The following AHCYL2 variants were observed in gnomAD, a reference collection of about 807,000 sequenced individuals.
AHCYL2 encodes adenosylhomocysteinase like 2, also known as S-adenosylhomocysteine hydrolase-like protein 2.
A neutral mutation model predicts 81.4 loss-of-function variants in AHCYL2; 28 were observed. That is an observed-to-expected ratio of 0.34 (90% confidence interval 0.25 to 0.47). The LOEUF (loss-of-function observed/expected upper bound fraction) is 0.47. Ranked by LOEUF, AHCYL2 falls within the 20% of genes least tolerant of loss-of-function variation. AHCYL2 has a pLI of 1.00. For missense variants in AHCYL2, 551 were observed against 785.1 expected, an observed-to-expected ratio of 0.70 and a Z score of 3.56; for synonymous variants, 272 against 290.2, an observed-to-expected ratio of 0.94 and a Z score of 0.64.
At chr7:129,357,803 G>A (rs954393266) in intron 1 of AHCYL2, among the ~76,000 whole-genome samples, 20 of 151,632 alleles carry the variant, frequency 1.3e-4, no homozygotes, top group Non-Finnish European at 4.4e-5. Flanking sequence ...GCGTGGTGGC[G>A]GGCGCCTGTA....
At chr7:129,229,121 G>A (rs1416508232) in intron 1 of AHCYL2, among the ~76,000 whole-genome samples, 1 of 150,206 alleles carries the variant, frequency 6.7e-6, no homozygotes, top group Non-Finnish European at 1.5e-5. Flanking sequence ...AGGCTGGAGT[G>A]CAATGGTGCA....
At position 129,342,179 on chromosome 7, in the gene AHCYL2, T is replaced by C. The variant is rs369004511; in HGVS notation, c.364-37459T>C. Among the ~76,000 whole-genome samples, 11 of 152,272 alleles carry C rather than the reference T, an allele frequency of 7.2e-5. No individual in the cohort carries two copies. The South Asian group carries it at 2.3e-3, about 32-fold the overall frequency. Reference sequence around the variant, plus strand: ...TGGAGTTGGGAAGGGACACCAGTGTTGAAGTATTCCTGTTACTTGTTGGTA... The same window carrying C: ...TGGAGTTGGGAAGGGACACCAGTGTCGAAGTATTCCTGTTACTTGTTGGTA... On this transcript the variant is annotated intron_variant, in intron 1 of 16. Coordinates refer to ENST00000325006, the MANE Select transcript of AHCYL2 (RefSeq NM_015328.4).
At position 129,350,714 on chromosome 7, in the gene AHCYL2, C is replaced by CT. The variant is rs56115169; in HGVS notation, c.364-28907dup. 6.3e-3 allele frequency among the ~76,000 whole-genome samples: 764 copies of CT among 122,126 alleles called. 6 individuals carry two copies. The highest frequency in any genetic ancestry group is 0.013 in the African/African-American group (433 of 32,904). The allele number at this position is 122,126 out of a possible 152,430, so 80.1% of individuals were successfully genotyped here. On this transcript the variant is annotated intron_variant, in intron 1 of 16. Coordinates refer to ENST00000325006, the MANE Select transcript of AHCYL2 (RefSeq NM_015328.4). The stretch of plus-strand genomic sequence containing the variant: ...TCATTTTCTTTTTCTTTCTTTCTTT[C>CT]TTTTTTTTTTTTTTTTTATCTTTTA...
chr7:129,381,116 A>G (rs1476948754), intron 2 of AHCYL2, among the ~76,000 whole-genome samples: 1 of 152,180 alleles, frequency 6.6e-6, no homozygotes, highest in Non-Finnish European at 1.5e-5. Flanking sequence ...AAACCACAAT[A>G]ATTGTGAAAA....
chr7:129,280,769 A>G (rs1796410604), intron 1 of AHCYL2, among the ~76,000 whole-genome samples: 1 of 151,734 alleles, frequency 6.6e-6, no homozygotes, highest in African/African-American at 2.4e-5. Context: ...AGTTTTCATC[A>G]GGAATTTCTG....
intron 1 of AHCYL2, among the ~76,000 whole-genome samples, chr7:129,268,049 A>G (rs1330451067): frequency 1.3e-5 from 2 of 152,116 alleles, no homozygotes; most frequent in South Asian, 2.1e-4. Flanking sequence ...CAAACTTGCT[A>G]TTTTAGTTCA....
chr7:129,252,627 G>T (rs572956186), intron 1 of AHCYL2, among the ~76,000 whole-genome samples: 1 of 152,110 alleles, frequency 6.6e-6, no homozygotes, highest in African/African-American at 2.4e-5. Context: ...ATTGTCTGGG[G>T]GTGGTGGCAC....
At chr7:129,263,944 A>G (rs1795727951) in intron 1 of AHCYL2, among the ~76,000 whole-genome samples, 1 of 152,226 alleles carries the variant, frequency 6.6e-6, no homozygotes, top group African/African-American at 2.4e-5. Context: ...TGTCCAGGTA[A>G]GGCATTTGAG....
intron 1 of AHCYL2, among the ~76,000 whole-genome samples, chr7:129,257,898 G>A (rs902374224): frequency 1.3e-5 from 2 of 152,164 alleles, no homozygotes; most frequent in African/African-American, 4.8e-5. Flanking sequence ...ATTTTAAAAT[G>A]TATGTAAGTA....
chr7:129,405,630 A>G, intron 8 of AHCYL2: 2 of 478,594 alleles, frequency 4.2e-6, no homozygotes, highest in Non-Finnish European at 7.3e-6. Flanking sequence ...TAGAAACCAG[A>G]CTTTCAGTGT....
At chr7:129,409,365 G>T in intron 10 of AHCYL2, 111 bp from the exon 11 acceptor site, 1 of 753,976 alleles carries the variant, frequency 1.3e-6, no homozygotes. Context: ...TCTAAGAATA[G>T]TTCAGCTATC....
chr7:129,428,997 G>C lies in AHCYL2; in HGVS notation c.*1952G>C, dbSNP rs943092782. 5.9e-5 allele frequency: 9 copies of C among 152,172 alleles called. No individual in the cohort carries two copies. The highest frequency in any genetic ancestry group is 2.2e-4 in the African/African-American group (9 of 41,444). 9.4% of individuals were successfully genotyped at this position (152,172 alleles called of 1,614,324 possible). ...CTTTGTACCTTATCTTATATCCAGA[G>C]CAGATTCCATTTGGCAGATAGATGG... On this transcript the variant is annotated 3_prime_UTR_variant, in exon 17 of 17. Transcript: ENST00000325006.
At chr7:129,294,934 T>C (rs1274997632) in intron 1 of AHCYL2, among the ~76,000 whole-genome samples, 1 of 152,218 alleles carries the variant, frequency 6.6e-6, no homozygotes, top group African/African-American at 2.4e-5. Flanking sequence ...GTGTGTTTGC[T>C]GGCTTTGAAA....
chr7:129,227,259 C>T (rs893462074), intron 1 of AHCYL2, among the ~76,000 whole-genome samples: 1 of 151,742 alleles, frequency 6.6e-6, no homozygotes, highest in African/African-American at 2.4e-5. Flanking sequence ...TTATTTTATT[C>T]CTCCCATCAT....
intron 1 of AHCYL2, among the ~76,000 whole-genome samples, chr7:129,255,691 T>C (rs1176473510): frequency 6.6e-6 from 1 of 152,134 alleles, no homozygotes; most frequent in Non-Finnish European, 1.5e-5. Flanking sequence ...TGAATAAAAA[T>C]GAAAATGAGG....
At chr7:129,272,677 T>C (rs1796061397) in intron 1 of AHCYL2, among the ~76,000 whole-genome samples, 1 of 152,166 alleles carries the variant, frequency 6.6e-6, no homozygotes, top group South Asian at 2.1e-4. Flanking sequence ...AGAAAATGTA[T>C]CTAATGACTT....
chr7:129,276,916 T>C (rs1423356358), intron 1 of AHCYL2, among the ~76,000 whole-genome samples: 1 of 152,088 alleles, frequency 6.6e-6, no homozygotes, highest in Non-Finnish European at 1.5e-5. Context: ...AAATACAGCA[T>C]AGATTATGAA....
intron 1 of AHCYL2, among the ~76,000 whole-genome samples, chr7:129,331,867 A>AT (rs1798438192): frequency 6.6e-6 from 1 of 150,928 alleles, no homozygotes; most frequent in African/African-American, 2.4e-5. Flanking sequence ...TTTAATTAAA[A>AT]AATATATATA....
At chr7:129,294,822 A>G (rs543301016) in intron 1 of AHCYL2, among the ~76,000 whole-genome samples, 6 of 152,338 alleles carry the variant, frequency 3.9e-5, no homozygotes, top group African/African-American at 1.4e-4. Flanking sequence ...ATTAACGTGT[A>G]CCCTGGATAA....
Sources: gnomAD v4.1 joint callset for allele counts (sites outside exome capture counted in the v4.1 genomes callset) on GRCh38, gnomAD v4.1.1 for gene constraint, MANE v1.5 for transcripts, NCBI Gene and HGNC (gene_info 2026-07-23, HGNC 2026-07-21) for gene names.